AP3S1: variants seen among roughly 807,000 people sequenced by gnomAD.
The protein encoded by AP3S1 is AP-3 complex subunit sigma-1.
A neutral mutation model predicts 21.3 loss-of-function variants in AP3S1; 12 were observed. The observed-to-expected ratio is 0.56, with a 90% CI of 0.36 to 0.91. The LOEUF (loss-of-function observed/expected upper bound fraction) is 0.91, where lower values mean the gene tolerates loss of function less well. Ranked by LOEUF, AP3S1 falls within the 40% of genes least tolerant of loss-of-function variation. AP3S1 has a pLI of 0.01. For missense variants in AP3S1, 116 were observed against 225.0 expected (o/e 0.52, Z 3.10); for synonymous variants, 48 against 78.4 (o/e 0.61, Z 2.05).
At chr5:115,904,299 G>A (rs1427799168) in intron 5 of AP3S1, among the ~76,000 whole-genome samples, 1 of 152,120 alleles carries the variant, frequency 6.6e-6, no homozygotes, top group Non-Finnish European at 1.5e-5. Context: ...ATTTACAACA[G>A]GTGAGTTCTG....
rs1276084306 is a variant in AP3S1, at chr5:115,885,381, C to T, written c.274-9706C>T. ...AACAGTGCAGCCTTCAGTCTGTGGT[C>T]AAAGGCCAGAGAGTTCCCTGGCAAA... On this transcript the variant is annotated intron_variant, in intron 3 of 5. Coordinates refer to ENST00000316788, the MANE Select transcript of AP3S1 (RefSeq NM_001284.4). 3.9e-5 allele frequency among the ~76,000 whole-genome samples: 6 copies of T among 152,204 alleles called. No homozygotes were observed. The South Asian group carries it at 1.2e-3, about 32-fold the overall frequency.
intron 3 of AP3S1, among the ~76,000 whole-genome samples, chr5:115,881,423 G>C (rs1216641871): frequency 1.3e-5 from 2 of 152,260 alleles, no homozygotes; most frequent in South Asian, 4.1e-4. Flanking sequence ...GCATTTGCTT[G>C]TCTATAAAGG....
intron 3 of AP3S1, among the ~76,000 whole-genome samples, chr5:115,874,863 A>G (rs911350284): frequency 2.0e-5 from 3 of 152,070 alleles, no homozygotes; most frequent in African/African-American, 7.2e-5. Context: ...ATTATCTTGT[A>G]GTGGTTAAAA....
intron 1 of AP3S1, among the ~76,000 whole-genome samples, chr5:115,861,867 T>TC (rs1317671224): frequency 1.4e-5 from 2 of 138,738 alleles, no homozygotes; most frequent in Admixed American, 1.4e-4. Flanking sequence ...TTTCTTTTCT[T>TC]TTTTTTTTTT....
intron 1 of AP3S1, chr5:115,853,100 G>C (rs981789317): frequency 2.3e-6 from 1 of 430,576 alleles, no homozygotes; most frequent in Non-Finnish European, 4.6e-6. Flanking sequence ...AACAATGTCT[G>C]AGGGCTCCAG....
chr5:115,875,802 G>A (rs574463125), intron 3 of AP3S1, among the ~76,000 whole-genome samples: 2 of 152,220 alleles, frequency 1.3e-5, no homozygotes, highest in South Asian at 4.1e-4. Context: ...GTATTTTTGG[G>A]CAACCCCCAG....
chr5:115,892,166 A>T (rs1332764312), intron 3 of AP3S1, among the ~76,000 whole-genome samples: 6 of 152,216 alleles, frequency 3.9e-5, no homozygotes. Flanking sequence ...GCAATAATAA[A>T]TGCTGGCAAG....
At chr5:115,897,312 T>A (rs1750833942) in intron 4 of AP3S1, among the ~76,000 whole-genome samples, 1 of 149,360 alleles carries the variant, frequency 6.7e-6, no homozygotes, top group African/African-American at 2.4e-5. Context: ...AAATTAGCTG[T>A]CTCTCTTTTC....
intron 3 of AP3S1, among the ~76,000 whole-genome samples, chr5:115,888,652 C>T (rs1750005222): frequency 6.6e-6 from 1 of 151,752 alleles, no homozygotes; most frequent in Admixed American, 6.6e-5. Context: ...TGATATTGTT[C>T]TGGATTAAAT....
intron 5 of AP3S1, chr5:115,903,573 A>G (rs1366107004): frequency 6.5e-6 from 1 of 152,894 alleles, no homozygotes. Context: ...TTTAGACATT[A>G]GTACATATAT....
intron 3 of AP3S1, among the ~76,000 whole-genome samples, chr5:115,876,941 C>A (rs893163852): frequency 6.6e-6 from 1 of 152,072 alleles, no homozygotes; most frequent in African/African-American, 2.4e-5. Context: ...AGTTTGAGTC[C>A]AACAGGTTTA....
At chr5:115,867,565 G>C (rs1435637782) in intron 2 of AP3S1, among the ~76,000 whole-genome samples, 4 of 152,086 alleles carry the variant, frequency 2.6e-5, no homozygotes, top group Non-Finnish European at 5.9e-5. Context: ...ATGGTCATAA[G>C]GTACTTTTTA....
At chr5:115,873,432 C>T (rs957342059) in intron 3 of AP3S1, among the ~76,000 whole-genome samples, 4 of 152,172 alleles carry the variant, frequency 2.6e-5, no homozygotes, top group African/African-American at 9.6e-5. Context: ...TAGGCTAGAG[C>T]TGTTTTTACA....
chr5:115,844,517 G>A (rs1015304494), intron 1 of AP3S1, among the ~76,000 whole-genome samples: 7 of 152,188 alleles, frequency 4.6e-5, no homozygotes, highest in African/African-American at 9.7e-5. Context: ...AGAGCATCCC[G>A]GGTAGAAGGA....
chr5:115,897,497 A>T (rs1313886194), intron 4 of AP3S1, among the ~76,000 whole-genome samples: 3 of 152,070 alleles, frequency 2.0e-5, no homozygotes, highest in African/African-American at 4.8e-5. Flanking sequence ...TATTTTTTTA[A>T]ATTTCAACTT....
intron 3 of AP3S1, among the ~76,000 whole-genome samples, chr5:115,877,591 A>G (rs1032621415): frequency 1.6e-4 from 24 of 151,528 alleles, no homozygotes; most frequent in African/African-American, 5.8e-4. Flanking sequence ...TTCTTTATCT[A>G]CTCTATCACT....
intron 3 of AP3S1, among the ~76,000 whole-genome samples, chr5:115,870,652 T>G (rs1024862407): frequency 1.1e-3 from 174 of 152,344 alleles, no homozygotes; most frequent in African/African-American, 4.0e-3. Flanking sequence ...TAGCTTCTCA[T>G]TGCATTTTCC....
At chr5:115,866,789 T>C (rs751128036) in intron 2 of AP3S1, 28 bp downstream of exon 2, 2 of 1,490,580 alleles carry the variant, frequency 1.3e-6, no homozygotes, top group South Asian at 2.4e-5. Flanking sequence ...TAGACATTTC[T>C]AAGTTTTGAC....
chr5:115,852,933 A>G lies in AP3S1; in HGVS notation c.69+10827A>G, dbSNP rs1023340529. On this transcript the variant is annotated intron_variant, in intron 1 of 5. Coordinates refer to ENST00000316788, the MANE Select transcript of AP3S1 (RefSeq NM_001284.4). ...TACTATGAATAATGGTGCTATGAAC[A>G]TTCATGTATGAATTTTTCTGTGACC... 4.3e-5 allele frequency: 19 copies of G among 437,194 alleles called. No individual in the cohort carries two copies. In the Admixed American group the frequency reaches 4.5e-4, roughly 10 times the overall value. 27.1% of individuals were successfully genotyped at this position (437,194 alleles called of 1,614,324 possible). A position where few individuals can be genotyped will look rare whatever the true frequency, so the allele number is the denominator to read the frequency against.
Sources: allele counts gnomAD v4.1 joint callset (sites outside exome capture counted in the v4.1 genomes callset), GRCh38; gene constraint gnomAD v4.1.1; transcripts MANE v1.5; gene names NCBI Gene and HGNC (gene_info 2026-07-23, HGNC 2026-07-21).